The following P2RY12 variants were observed in gnomAD, a reference collection of about 807,000 sequenced individuals.
P2RY12 encodes the protein P2Y purinoceptor 12.
P2RY12 carries 3 observed loss-of-function variants against 4.5 expected under a neutral mutation model. The observed-to-expected ratio is 0.67, with a 90% CI of 0.31 to 1.74. The LOEUF is 1.74. Ranked by LOEUF, P2RY12 falls within the 40% of genes most tolerant of loss-of-function variation. The pLI, the probability that P2RY12 is intolerant of heterozygous loss-of-function variation, is 0.09. For synonymous variants in P2RY12, 148 were observed against 154.1 expected (o/e 0.96, Z 0.29); for missense variants, 356 against 407.8 (o/e 0.87, Z 1.09).
At position 151,383,735 on chromosome 3, in the gene P2RY12, C is replaced by T. The variant is rs757242548; in HGVS notation, c.-180+957G>A. 18 of 1,310,698 alleles carry T rather than the reference C, an allele frequency of 1.4e-5. No homozygotes were observed. In the African/African-American group the frequency reaches 2.4e-4, roughly 17 times the overall value. The allele number at this position is 1,310,698 out of a possible 1,614,324, so 81.2% of individuals were successfully genotyped here. A position where few individuals can be genotyped will look rare whatever the true frequency, so the allele number is the denominator to read the frequency against. On this transcript the variant is annotated intron_variant, in intron 1 of 2. Transcript: ENST00000302632. ...AACATAAAGCAATGGGGTGTTCTTT[C>T]TGTTTTACAGAATGCAAATATCTTA...
chr3:151,346,303 C>T (rs1462727218), intron 1 of P2RY12, among the ~76,000 whole-genome samples: 2 of 152,116 alleles, frequency 1.3e-5, no homozygotes, highest in Non-Finnish European at 2.9e-5. Context: ...TTGATTTCTA[C>T]TATGGAAATT....
chr3:151,369,651 T>A (rs984032868), intron 1 of P2RY12: 1 of 709,254 alleles, frequency 1.4e-6, no homozygotes, highest in East Asian at 2.8e-5. Context: ...GGAAACATGA[T>A]ACTGTTTGAT....
intron 1 of P2RY12, chr3:151,350,060 A>T: frequency 1.2e-6 from 2 of 1,607,648 alleles, no homozygotes; most frequent in Non-Finnish European, 1.7e-6. Context: ...GTTTTTCAGG[A>T]TGAATCTTCA....
chr3:151,338,488 T>C lies in P2RY12; in HGVS notation c.358A>G (p.Ile120Val), dbSNP rs747141489. 7.4e-6 allele frequency: 12 copies of C among 1,613,858 alleles called. No homozygotes were observed. In the African/African-American group the frequency reaches 1.2e-4, roughly 16 times the overall value. Residue 120 changes from isoleucine (I) to valine (V), a missense_variant, in exon 3 of 3, where the codon ATC becomes GTC. By Grantham distance (29) the Ile-to-Val change is conservative. Transcript: ENST00000302632. ...CTGGTGGTCTTCTGGTAGCGATCGATAGTTATCAGTCCCAGGAATGAAATA... is the reference window on the plus strand; with the variant it reads ...CTGGTGGTCTTCTGGTAGCGATCGACAGTTATCAGTCCCAGGAATGAAATA... Reference protein sequence around the residue: ...ISISFLGLITIDRYQKTTRPF... With the variant: ...ISISFLGLITVDRYQKTTRPF...
intron 1 of P2RY12, chr3:151,384,111 C>T (rs751380586): frequency 8.7e-6 from 14 of 1,613,702 alleles, no homozygotes; most frequent in East Asian, 4.5e-5. Context: ...TCTTGACATG[C>T]TGGGTGTTTT....
intron 1 of P2RY12, chr3:151,380,147 CT>C: frequency 6.2e-7 from 1 of 1,606,828 alleles, no homozygotes; most frequent in Non-Finnish European, 8.5e-7. Context: ...CTTCCTCTCA[CT>C]GGTACTTACC....
chr3:151,381,622 C>T lies in P2RY12; in HGVS notation c.-180+3070G>A, dbSNP rs1712362521. ...CATTCAGTTCTCTGTTAAGATGTTA[C>T]CTCCTTCGGGAGGCCTTTGATCACC... is the stretch of plus-strand genomic sequence containing the variant. On this transcript the variant is annotated intron_variant, in intron 1 of 2. Coordinates refer to ENST00000302632, the MANE Select transcript of P2RY12 (RefSeq NM_022788.5). Among the ~76,000 whole-genome samples the T allele has an allele frequency of 2.0e-5, 3 of 152,210 alleles. No individual in the cohort carries two copies. The South Asian group carries it at 6.2e-4, about 31-fold the overall frequency.
intron 1 of P2RY12, among the ~76,000 whole-genome samples, chr3:151,341,182 G>C (rs1479160607): frequency 1.3e-5 from 2 of 152,086 alleles, no homozygotes; most frequent in Non-Finnish European, 2.9e-5. Context: ...ATGCGTGCTG[G>C]CTAGGGATGT....
chr3:151,352,697 A>G (rs1753386423), intron 1 of P2RY12, among the ~76,000 whole-genome samples: 1 of 152,198 alleles, frequency 6.6e-6, no homozygotes, highest in African/African-American at 2.4e-5. Context: ...AATTTATAGT[A>G]TAAAGTTTAA....
At chr3:151,340,782 G>C (rs1751708448) in intron 1 of P2RY12, 22 bp from the exon 2 acceptor site, 1 of 152,560 alleles carries the variant, frequency 6.6e-6, no homozygotes, top group African/African-American at 2.4e-5. Context: ...TAGAAGGAGA[G>C]AAAAAGAGGG....
At chr3:151,373,781 A>C (rs944823200) in intron 1 of P2RY12, among the ~76,000 whole-genome samples, 2 of 152,172 alleles carry the variant, frequency 1.3e-5, no homozygotes, top group African/African-American at 4.8e-5. Context: ...TGGTATTTTC[A>C]TAGTTTCTGG....
chr3:151,337,521 C>A lies in P2RY12; in HGVS notation c.*296G>T. The A allele has an allele frequency of 3.2e-6, 1 of 310,632 alleles. No individual in the cohort carries two copies. The highest frequency in any genetic ancestry group is 6.0e-6 in the Non-Finnish European group (1 of 167,244). 19.2% of individuals were successfully genotyped at this position (310,632 alleles called of 1,614,324 possible). On this transcript the variant is annotated 3_prime_UTR_variant, in exon 3 of 3. Transcript: ENST00000302632. Reference sequence around the variant, plus strand: ...AATTACAGTAAATATTATATGATTACTCATTTTGGCAAAACTCTGCAAAAC... The same window carrying A: ...AATTACAGTAAATATTATATGATTAATCATTTTGGCAAAACTCTGCAAAAC...
At chr3:151,377,952 T>C (rs373399798) in intron 1 of P2RY12, 205 of 1,465,772 alleles carry the variant, frequency 1.4e-4, no homozygotes, top group Non-Finnish European at 1.8e-4. Context: ...GTTTCTGTTA[T>C]AACTGTGAGA....
In P2RY12 at chr3:151,336,876, TA is replaced by T; in HGVS notation, c.*940del. The stretch of plus-strand genomic sequence containing the variant: ...AGAGTTTAATGTAAATTTTGTATTT[TA>T]TACACACCAATACAAACAAGTAATT... On this transcript the variant is annotated 3_prime_UTR_variant, in exon 3 of 3. Coordinates refer to ENST00000302632, the MANE Select transcript of P2RY12 (RefSeq NM_022788.5). 5.3e-6 allele frequency: 1 copy of T among 189,422 alleles called. No individual in the cohort carries two copies. Among genetic ancestry groups the T allele is most frequent in the Non-Finnish European group, 1.1e-5 (1 of 90,680 alleles). The allele number at this position is 189,422 out of a possible 1,614,324, so 11.7% of individuals were successfully genotyped here.
At position 151,383,899 on chromosome 3, in the gene P2RY12, A is replaced by G. The variant is rs374020919; in HGVS notation, c.-180+793T>C. 56 of 1,604,148 alleles carry G rather than the reference A, an allele frequency of 3.5e-5. No homozygotes were observed. In the African/African-American group the frequency reaches 5.8e-4, roughly 16 times the overall value. On this transcript the variant is annotated intron_variant, in intron 1 of 2. Transcript: ENST00000302632. ...CATGCACACTAACAAGTATGTTTTT[A>G]TCACTTCACATTGATTTTGCTACAT...
intron 1 of P2RY12, among the ~76,000 whole-genome samples, chr3:151,362,998 A>G (rs1005747016): frequency 2.0e-5 from 3 of 152,000 alleles, no homozygotes; most frequent in Admixed American, 6.6e-5. Flanking sequence ...TTTAATAGTG[A>G]ACTTCCTCAG....
At chr3:151,367,813 G>T in intron 1 of P2RY12, 1 of 1,568,774 alleles carries the variant, frequency 6.4e-7, no homozygotes, top group South Asian at 1.2e-5. Flanking sequence ...TTGTTGTCTT[G>T]ATGGAGTGGT....
At chr3:151,383,988 G>A (rs1278477648) in intron 1 of P2RY12, 21 of 1,487,116 alleles carry the variant, frequency 1.4e-5, no homozygotes, top group East Asian at 4.7e-5. Flanking sequence ...TTACTTGGAT[G>A]CTATTAAAAA....
At chr3:151,359,172 A>AT (rs1274060750) in intron 1 of P2RY12, among the ~76,000 whole-genome samples, 2 of 152,070 alleles carry the variant, frequency 1.3e-5, no homozygotes, top group African/African-American at 4.8e-5. Flanking sequence ...TACAGTGAGA[A>AT]TATGTGCTTG....
Sources: gnomAD v4.1 joint callset for allele counts (sites outside exome capture counted in the v4.1 genomes callset) on GRCh38, gnomAD v4.1.1 for gene constraint, MANE v1.5 for transcripts, NCBI Gene and HGNC (gene_info 2026-07-23, HGNC 2026-07-21) for gene names.